Variants in ARHGAP15 observed in about 807,000 individuals in gnomAD.
The protein encoded by ARHGAP15 is rho GTPase-activating protein 15.
A neutral mutation model predicts 63.7 loss-of-function variants in ARHGAP15; 51 were observed. The ratio of observed to expected loss-of-function variants is 0.80; its 90% CI spans 0.64 to 1.01. The LOEUF is 1.01. ARHGAP15 is among the 50% of genes least tolerant of loss of function. The pLI, the probability that ARHGAP15 is intolerant of heterozygous loss-of-function variation, is 0.00. For synonymous variants in ARHGAP15, 191 were observed against 193.8 expected, an observed-to-expected ratio of 0.99 and a Z score of 0.12; for missense variants, 560 against 564.6, an observed-to-expected ratio of 0.99 and a Z score of 0.08.
chr2:143,205,255 T>TAAA (rs71301732), intron 3 of ARHGAP15, among the ~76,000 whole-genome samples: 9 of 85,458 alleles, frequency 1.1e-4, no homozygotes, highest in African/African-American at 2.9e-4. Context: ...CAGAGAGAGA[T>TAAA]AAAAAAAAAA....
At position 143,643,886 on chromosome 2, in the gene ARHGAP15, A is replaced by T. The variant is rs1486207243; in HGVS notation, c.1138+19619A>T. On this transcript the variant is annotated intron_variant, in intron 12 of 13. Transcript: ENST00000295095. ...CAGAAATTGAGAAGCTGTGTTGATG[A>T]GTTGTTTTGCACACAGTAGAAAACT... is the stretch of plus-strand genomic sequence containing the variant. Among the ~76,000 whole-genome samples, 5 of 152,098 alleles carry T rather than the reference A, an allele frequency of 3.3e-5. No homozygotes were observed. The East Asian group carries it at 9.7e-4, about 29-fold the overall frequency.
At chr2:143,576,557 A>G (rs1264068686) in intron 11 of ARHGAP15, among the ~76,000 whole-genome samples, 1 of 152,178 alleles carries the variant, frequency 6.6e-6, no homozygotes, top group Non-Finnish European at 1.5e-5. Context: ...TACAAATAAC[A>G]TCTGAGTCTT....
chr2:143,202,819 C>T (rs147764061), intron 3 of ARHGAP15, among the ~76,000 whole-genome samples: 72 of 151,954 alleles, frequency 4.7e-4, no homozygotes, highest in African/African-American at 1.3e-3. Context: ...ACTCAACATC[C>T]GTAAGAATGG....
intron 12 of ARHGAP15, among the ~76,000 whole-genome samples, chr2:143,633,562 C>T (rs1236519699): frequency 3.3e-5 from 5 of 152,076 alleles, no homozygotes; most frequent in Non-Finnish European, 7.4e-5. Context: ...CTTCCATCTA[C>T]GTAAGGTCAC....
chr2:143,633,180 T>C (rs943628487), intron 12 of ARHGAP15, among the ~76,000 whole-genome samples: 16 of 152,168 alleles, frequency 1.1e-4, no homozygotes, highest in Non-Finnish European at 1.5e-5. Context: ...TGTGGTTGCT[T>C]TTTAATGTGT....
intron 9 of ARHGAP15, among the ~76,000 whole-genome samples, chr2:143,495,177 C>T (rs1352314405): frequency 1.3e-5 from 2 of 152,164 alleles, no homozygotes; most frequent in Admixed American, 6.5e-5. Flanking sequence ...TTCTTTCCTT[C>T]ATTTCATCTT....
chr2:143,348,966 T>C (rs1427715553), intron 6 of ARHGAP15, among the ~76,000 whole-genome samples: 1 of 152,140 alleles, frequency 6.6e-6, no homozygotes, highest in Non-Finnish European at 1.5e-5. Context: ...TGGAGTAGAT[T>C]TTTAAAAATC....
intron 12 of ARHGAP15, among the ~76,000 whole-genome samples, chr2:143,700,914 A>G (rs1238851151): frequency 1.3e-5 from 2 of 152,200 alleles, no homozygotes; most frequent in Non-Finnish European, 2.9e-5. Context: ...TCTTACCATC[A>G]TTAAGCTCCA....
intron 8 of ARHGAP15, among the ~76,000 whole-genome samples, chr2:143,470,320 C>A (rs1316578682): frequency 6.7e-6 from 1 of 149,690 alleles, no homozygotes; most frequent in African/African-American, 2.4e-5. Flanking sequence ...GAACTGAGAG[C>A]CTGGATCTCC....
chr2:143,250,739 T>A lies in ARHGAP15; in HGVS notation c.474+139T>A. ...TCTGAAGGTCATGAAAGGCGACTCC[T>A]CTTCCCAGTTGAATCTTTGGTTTTG... On this transcript the variant is annotated intron_variant, in intron 6 of 13. Transcript: ENST00000295095. 4 of 645,906 alleles carry A rather than the reference T, an allele frequency of 6.2e-6. No individual in the cohort carries two copies. In the South Asian group the frequency reaches 8.5e-5, roughly 14 times the overall value. 40.0% of individuals were successfully genotyped at this position (645,906 alleles called of 1,614,324 possible).
At chr2:143,280,765 G>C (rs1302474642) in intron 6 of ARHGAP15, among the ~76,000 whole-genome samples, 1 of 152,094 alleles carries the variant, frequency 6.6e-6, no homozygotes, top group Non-Finnish European at 1.5e-5. Context: ...TCACTGAGTG[G>C]TTTTGAGAAA....
chr2:143,523,649 C>T (rs1334923199), intron 10 of ARHGAP15, among the ~76,000 whole-genome samples: 1 of 151,824 alleles, frequency 6.6e-6, no homozygotes, highest in Non-Finnish European at 1.5e-5. Context: ...TTTTATGGAT[C>T]CAAAATTTTT....
At chr2:143,613,176 A>C (rs758656804) in intron 11 of ARHGAP15, among the ~76,000 whole-genome samples, 3 of 152,202 alleles carry the variant, frequency 2.0e-5, no homozygotes, top group Non-Finnish European at 4.4e-5. Flanking sequence ...AAATCTTCTA[A>C]ACAATAAACA....
chr2:143,155,690 G>T, intron 2 of ARHGAP15, 35 bp downstream of exon 2: 3 of 1,495,842 alleles, frequency 2.0e-6, no homozygotes, highest in Admixed American at 2.5e-5. Flanking sequence ...CAAGTTCCTT[G>T]TCATACAGAA....
chr2:143,261,519 T>A (rs62170379), intron 6 of ARHGAP15, among the ~76,000 whole-genome samples: 1 of 148,340 alleles, frequency 6.7e-6, no homozygotes, highest in Non-Finnish European at 1.5e-5. Context: ...TTTTTTTTTT[T>A]AATATTTTTA....
At chr2:143,509,386 A>G (rs970402932) in intron 9 of ARHGAP15, among the ~76,000 whole-genome samples, 3 of 151,932 alleles carry the variant, frequency 2.0e-5, no homozygotes, top group African/African-American at 7.2e-5. Context: ...CTTCCAGTGC[A>G]TGTCGTAGAT....
intron 1 of ARHGAP15, among the ~76,000 whole-genome samples, chr2:143,152,877 G>A (rs1007329826): frequency 7.9e-5 from 12 of 152,040 alleles, no homozygotes; most frequent in African/African-American, 1.7e-4. Context: ...GAGACAGTGA[G>A]CAAATTGAGA....
At chr2:143,498,145 C>T (rs559960412) in intron 9 of ARHGAP15, among the ~76,000 whole-genome samples, 34 of 152,230 alleles carry the variant, frequency 2.2e-4, no homozygotes, top group African/African-American at 8.2e-4. Context: ...AACAACATTT[C>T]ATAAATTTCT....
At chr2:143,496,241 C>T (rs902876009) in intron 9 of ARHGAP15, among the ~76,000 whole-genome samples, 4 of 151,918 alleles carry the variant, frequency 2.6e-5, no homozygotes, top group African/African-American at 9.7e-5. Flanking sequence ...TACAGGACAC[C>T]ATGCGAGATG....
Sources: gnomAD v4.1 joint callset for allele counts (sites outside exome capture counted in the v4.1 genomes callset) on GRCh38, gnomAD v4.1.1 for gene constraint, MANE v1.5 for transcripts, NCBI Gene and HGNC (gene_info 2026-07-23, HGNC 2026-07-21) for gene names.